The following ECPAS variants were observed in gnomAD, a reference collection of about 807,000 sequenced individuals.
The protein encoded by ECPAS is Ecm29 proteasome adaptor and scaffold, also known as proteasome adapter and scaffold protein ECM29.
Under a neutral mutation model 255.1 loss-of-function variants are expected in ECPAS, and 70 were observed. That is an observed-to-expected ratio of 0.27 (90% CI 0.23 to 0.33). The LOEUF is 0.33. Ranked by LOEUF, ECPAS falls within the 10% of genes least tolerant of loss-of-function variation. The pLI, the probability that ECPAS is intolerant of heterozygous loss-of-function variation, is 1.00. For synonymous variants in ECPAS, 784 were observed against 775.0 expected (o/e 1.01, Z -0.19); for missense variants, 1,817 against 2,206.4 (o/e 0.82, Z 3.54).
Position 111,476,783 on chromosome 9 carries a change from C to T in ECPAS, c.-82-3783G>A, listed in dbSNP as rs528688822. ...GTTCAAGTGATTCTCCTGCCTCAGC[C>T]TCCTGAGTAGCTGGAACTACAGGCG... On this transcript the variant is annotated intron_variant, in intron 1 of 49. Coordinates refer to ENST00000684092, the MANE Select transcript of ECPAS (RefSeq NM_001364929.1). 2.0e-5 allele frequency among the ~76,000 whole-genome samples: 3 copies of T among 152,160 alleles called. No individual in the cohort carries two copies. The East Asian group carries it at 5.8e-4, about 29-fold the overall frequency.
At chr9:111,401,313 G>A (rs1370648625) in intron 24 of ECPAS, among the ~76,000 whole-genome samples, 5 of 152,134 alleles carry the variant, frequency 3.3e-5, no homozygotes, top group African/African-American at 4.8e-5. Context: ...CGGGGGTGCC[G>A]TCACATATTG....
At position 111,411,013 on chromosome 9, in the gene ECPAS, C is replaced by T. The variant is rs774525820; in HGVS notation, c.2344G>A (p.Glu782Lys). 6.2e-7 allele frequency: 1 copy of T among 1,613,868 alleles called. No homozygotes were observed. The highest frequency in any genetic ancestry group is 8.5e-7 in the Non-Finnish European group (1 of 1,179,828). Residue 782 changes from glutamate (E) to lysine (K), a missense_variant, in exon 22 of 50, where the codon GAG (glutamate) becomes AAG (lysine). This residue lies in a region of ECPAS where 194 missense variants were observed against 152.8 expected (regional missense o/e 1.27). Transcript: ENST00000684092. ...ERNADTLPDQEELIQSATETI... is the reference protein window; with the variant it reads ...ERNADTLPDQKELIQSATETI... ...TCTGTAGCACTCTGAATGAGTTCCT[C>T]TTGATCAGGGAGGGTGTCAGCATTT...
intron 2 of ECPAS, among the ~76,000 whole-genome samples, chr9:111,453,920 T>TG (rs1195246542): frequency 2.6e-5 from 4 of 151,780 alleles, no homozygotes; most frequent in Non-Finnish European, 5.9e-5. Flanking sequence ...CACAGGATCC[T>TG]GGGGGGGAAA....
intron 3 of ECPAS, among the ~76,000 whole-genome samples, chr9:111,446,806 A>AT (rs983300468): frequency 7.2e-5 from 11 of 151,896 alleles, no homozygotes; most frequent in African/African-American, 2.2e-4. Flanking sequence ...TCCAGAGCCC[A>AT]TTTTTTTTAA....
At chr9:111,449,361 T>G (rs2131950821) in intron 3 of ECPAS, among the ~76,000 whole-genome samples, 1 of 152,246 alleles carries the variant, frequency 6.6e-6, no homozygotes, top group Admixed American at 6.5e-5. Flanking sequence ...AATTTCCCAT[T>G]TGAAATAATG....
At chr9:111,373,077 T>C (rs907192674) in intron 41 of ECPAS, 93 bp downstream of exon 41, 2 of 975,832 alleles carry the variant, frequency 2.0e-6, no homozygotes, top group Non-Finnish European at 3.2e-6. Context: ...GCAAATCACA[T>C]AAAATCATGG....
chr9:111,476,015 T>C (rs1300865214), intron 1 of ECPAS, among the ~76,000 whole-genome samples: 2 of 152,190 alleles, frequency 1.3e-5, no homozygotes, highest in African/African-American at 2.4e-5. Context: ...CTAAAAGAGC[T>C]ACCAGGATTC....
At chr9:111,377,826 A>C (rs1423135411) in intron 36 of ECPAS, among the ~76,000 whole-genome samples, 1 of 152,032 alleles carries the variant, frequency 6.6e-6, no homozygotes, top group Non-Finnish European at 1.5e-5. Context: ...TTCACAATAA[A>C]TATGTTTCAT....
At chr9:111,435,688 T>C (rs2098237010) in intron 7 of ECPAS, among the ~76,000 whole-genome samples, 2 of 150,740 alleles carry the variant, frequency 1.3e-5, no homozygotes, top group Admixed American at 6.6e-5. Flanking sequence ...TCTTTTTTTT[T>C]TTTTTTTTTG....
At chr9:111,383,397 C>G in intron 34 of ECPAS, 65 bp from the exon 35 acceptor site, 1 of 1,534,182 alleles carries the variant, frequency 6.5e-7, no homozygotes, top group Non-Finnish European at 8.8e-7. Flanking sequence ...ATTCATCTGA[C>G]AAAAGACTTT....
chr9:111,442,247 T>C, intron 5 of ECPAS, 59 bp downstream of exon 5: 1 of 1,093,324 alleles, frequency 9.1e-7, no homozygotes, highest in South Asian at 1.4e-5. Context: ...TGAATTAATA[T>C]TTGAAAGGCA....
chr9:111,378,231 T>C (rs1289145978), intron 36 of ECPAS, among the ~76,000 whole-genome samples: 1 of 152,134 alleles, frequency 6.6e-6, no homozygotes, highest in African/African-American at 2.4e-5. Flanking sequence ...CAGAACAATT[T>C]TGAGATATGC....
intron 2 of ECPAS, among the ~76,000 whole-genome samples, chr9:111,469,525 G>A (rs932341753): frequency 6.0e-5 from 9 of 151,076 alleles, no homozygotes; most frequent in South Asian, 2.1e-4. Flanking sequence ...ACGAGACTCC[G>A]TCCCGCCAGG....
At chr9:111,450,486 G>T (rs2098258958) in intron 3 of ECPAS, among the ~76,000 whole-genome samples, 1 of 152,152 alleles carries the variant, frequency 6.6e-6, no homozygotes. Flanking sequence ...CAGACCTCCA[G>T]GAAGTCACTG....
intron 36 of ECPAS, among the ~76,000 whole-genome samples, chr9:111,376,762 A>G (rs1163488719): frequency 3.3e-5 from 5 of 152,240 alleles, no homozygotes; most frequent in South Asian, 4.1e-4. Context: ...AGAAATTCAG[A>G]TAACAGTTAA....
rs757167579 is a variant in ECPAS at position 111,371,743 on chromosome 9, C to A, written c.4615G>T (p.Ala1539Ser). 2 of 1,613,866 alleles carry A rather than the reference C, an allele frequency of 1.2e-6. No individual in the cohort carries two copies. The highest frequency in any genetic ancestry group is 1.1e-5 in the South Asian group (1 of 91,078). Reference sequence around the variant, plus strand: ...GATGCCATGGCAATTGCACCCTGGGCTTTCATTTTCCAGGACTGAGACTGC... The same window carrying A: ...GATGCCATGGCAATTGCACCCTGGGATTTCATTTTCCAGGACTGAGACTGC... ...ALQSQSWKMK[A>S]QGAIAMASIA... Residue 1539 changes from alanine (A) to serine (S), a missense_variant, in exon 43 of 50, where the codon GCC becomes TCC. Physicochemically the swap from Ala to Ser is moderately conservative, Grantham distance 99 (BLOSUM62 1). This residue lies in a region of ECPAS where 960 missense variants were observed against 1,179.0 expected (regional missense o/e 0.81). Coordinates refer to ENST00000684092, the MANE Select transcript of ECPAS (RefSeq NM_001364929.1).
rs2098148626 is a variant in ECPAS, at chr9:111,386,421, C to T, written c.3483G>A (p.Leu1161=). The T allele has an allele frequency of 1.9e-6, 3 of 1,601,258 alleles. No individual in the cohort carries two copies. Among genetic ancestry groups the T allele is most frequent in the Non-Finnish European group, 2.6e-6 (3 of 1,170,510 alleles). Residue 1161 remains leucine, a synonymous_variant, in exon 32 of 50, where the codon TTG becomes TTA. Transcript: ENST00000684092. ...ACATATTGCTTGTAAGGTTCTTAAC[C>T]AAATCTTGAAGAATTTCTTTCAAAT... ...DKYLKEILQD[L]VKNLTSNMWR... is the part of the protein sequence containing the mutation.
intron 34 of ECPAS, 27 bp downstream of exon 34, chr9:111,384,495 A>T (rs768800687): frequency 6.2e-7 from 1 of 1,606,538 alleles, no homozygotes; most frequent in Admixed American, 1.7e-5. Context: ...GCTCCACTCC[A>T]TTCCCAATGT....
chr9:111,468,732 G>C (rs1330390408), intron 2 of ECPAS, among the ~76,000 whole-genome samples: 1 of 151,578 alleles, frequency 6.6e-6, no homozygotes, highest in African/African-American at 2.4e-5. Flanking sequence ...AACATTTTCA[G>C]AAGTGGGAGC....
Sources: allele counts gnomAD v4.1 joint callset (sites outside exome capture counted in the v4.1 genomes callset), GRCh38; gene constraint gnomAD v4.1.1; regional missense constraint gnomAD v4.1.1; transcripts MANE v1.5; gene names NCBI Gene and HGNC (gene_info 2026-07-23, HGNC 2026-07-21).